The following DYM variants were observed in gnomAD, a reference collection of about 807,000 sequenced individuals.
DYM encodes dyggve-Melchior-Clausen syndrome protein.
DYM carries 78 observed loss-of-function variants against 93.1 expected under a neutral mutation model. The observed-to-expected ratio is 0.84, with a 90% CI of 0.70 to 1.01. DYM has a LOEUF of 1.01. DYM is among the 50% of genes least tolerant of loss of function. The pLI, the probability that DYM is intolerant of heterozygous loss-of-function variation, is 0.00. For synonymous variants in DYM, 321 were observed against 319.7 expected (o/e 1.00, Z -0.04); for missense variants, 789 against 845.0 (o/e 0.93, Z 0.82).
intron 1 of DYM, among the ~76,000 whole-genome samples, chr18:49,442,532 C>G (rs2081732063): frequency 6.6e-6 from 1 of 151,866 alleles, no homozygotes; most frequent in South Asian, 2.1e-4. Context: ...GCCTGGGCAA[C>G]AGAGGGAGAT....
intron 17 of DYM, among the ~76,000 whole-genome samples, chr18:49,050,075 ACTTC>A (rs941716979): frequency 5.8e-5 from 8 of 138,748 alleles, no homozygotes; most frequent in African/African-American, 2.0e-4. Flanking sequence ...CAGAGAGGTA[ACTTC>A]CTTTTTTTTT....
At chr18:49,416,227 C>T (rs2072970759) in intron 2 of DYM, among the ~76,000 whole-genome samples, 1 of 152,098 alleles carries the variant, frequency 6.6e-6, no homozygotes, top group Non-Finnish European at 1.5e-5. Flanking sequence ...TTTCATCATC[C>T]CTATGAATCT....
At chr18:49,241,733 G>C (rs189062983) in intron 13 of DYM, among the ~76,000 whole-genome samples, 1 of 152,296 alleles carries the variant, frequency 6.6e-6, no homozygotes, top group African/African-American at 2.4e-5. Context: ...AGAAAAAGGA[G>C]GGGAAATAAA....
intron 8 of DYM, among the ~76,000 whole-genome samples, chr18:49,287,726 T>G (rs1019216246): frequency 1.4e-5 from 2 of 146,788 alleles, no homozygotes; most frequent in African/African-American, 5.1e-5. Flanking sequence ...GCACCTGTAA[T>G]CCCAGCTACT....
chr18:49,084,037 A>C (rs182896293), intron 17 of DYM, among the ~76,000 whole-genome samples: 297 of 151,912 alleles, frequency 2.0e-3, no homozygotes, highest in African/African-American at 6.9e-3. Flanking sequence ...TTTGAGGTTT[A>C]ATTTGCTTTT....
In DYM at chr18:49,441,300, TATATATAATTA is replaced by T. The variant is rs1216120260; in HGVS notation, c.-53-10864_-53-10854del. ...ATTATATAATTATATATAATATAAT[TATATATAATTA>T]ATATATAATTATATATAATATAATT... On this transcript the variant is annotated intron_variant, in intron 1 of 17. Coordinates refer to ENST00000675505, the MANE Select transcript of DYM (RefSeq NM_001353214.3). Among the ~76,000 whole-genome samples, 18 of 41,768 alleles carry T rather than the reference TATATATAATTA, an allele frequency of 4.3e-4. 1 individual carries two copies. Among genetic ancestry groups the T allele is most frequent in the African/African-American group, 6.4e-4 (5 of 7,762 alleles). 27.4% of individuals were successfully genotyped at this position (41,768 alleles called of 152,430 possible). A position where few individuals can be genotyped will look rare whatever the true frequency, so the allele number is the denominator to read the frequency against.
At chr18:49,250,828 A>T (rs2094270634) in intron 13 of DYM, among the ~76,000 whole-genome samples, 1 of 152,252 alleles carries the variant, frequency 6.6e-6, no homozygotes, top group Non-Finnish European at 1.5e-5. Context: ...AAGAGCAAGG[A>T]ACTGTAATGA....
chr18:49,121,753 A>G (rs2082402824), intron 15 of DYM, among the ~76,000 whole-genome samples: 1 of 152,240 alleles, frequency 6.6e-6, no homozygotes. Flanking sequence ...GAACCGATGC[A>G]GTCCAACCTA....
At chr18:49,268,454 A>G (rs2145438550) in intron 11 of DYM, among the ~76,000 whole-genome samples, 1 of 152,348 alleles carries the variant, frequency 6.6e-6, no homozygotes, top group Non-Finnish European at 1.5e-5. Flanking sequence ...TTTGGCAGTC[A>G]GCGAAGTTTA....
At chr18:49,304,902 T>C (rs955827008) in intron 8 of DYM, among the ~76,000 whole-genome samples, 3 of 152,094 alleles carry the variant, frequency 2.0e-5, no homozygotes, top group Non-Finnish European at 2.9e-5. Flanking sequence ...TCCTCTATTC[T>C]ACCTCAGCTA....
At chr18:49,074,001 T>C (rs192105103) in intron 17 of DYM, among the ~76,000 whole-genome samples, 61 of 152,208 alleles carry the variant, frequency 4.0e-4, no homozygotes, top group Non-Finnish European at 7.6e-4. Flanking sequence ...AAAGGGAGTC[T>C]CCCAGCTTAT....
chr18:49,049,104 T>C (rs549572170), intron 17 of DYM, among the ~76,000 whole-genome samples: 2 of 151,714 alleles, frequency 1.3e-5, no homozygotes, highest in Non-Finnish European at 2.9e-5. Context: ...TATGAAGTTA[T>C]TCTTCAAGCT....
At chr18:49,326,908 C>G (rs2062921255) in intron 8 of DYM, among the ~76,000 whole-genome samples, 1 of 151,884 alleles carries the variant, frequency 6.6e-6, no homozygotes, top group African/African-American at 2.4e-5. Flanking sequence ...GCGATATCCT[C>G]TTTCAGGAAA....
At chr18:49,458,779 C>T (rs2083221681) in intron 1 of DYM, among the ~76,000 whole-genome samples, 1 of 152,168 alleles carries the variant, frequency 6.6e-6, no homozygotes, top group Non-Finnish European at 1.5e-5. Context: ...GCAGACGTTG[C>T]CGTGAGCCGG....
intron 14 of DYM, among the ~76,000 whole-genome samples, chr18:49,190,275 C>T (rs969325166): frequency 6.6e-6 from 1 of 152,236 alleles, no homozygotes; most frequent in African/African-American, 2.4e-5. Context: ...TTTTTATTCA[C>T]TGATACTACA....
intron 14 of DYM, among the ~76,000 whole-genome samples, chr18:49,171,057 A>C (rs1347186149): frequency 6.6e-6 from 1 of 152,212 alleles, no homozygotes; most frequent in Non-Finnish European, 1.5e-5. Flanking sequence ...TGGATTTGGC[A>C]CAAGGAAACA....
chr18:49,141,069 A>C (rs2084429898), intron 15 of DYM, among the ~76,000 whole-genome samples: 2 of 152,102 alleles, frequency 1.3e-5, no homozygotes, highest in Admixed American at 6.5e-5. Flanking sequence ...TCTTCCACCC[A>C]GCTTCTGAAG....
Position 49,252,956 on chromosome 18 carries a change from A to G in DYM, c.1460+4054T>C, listed in dbSNP as rs532083553. On this transcript the variant is annotated intron_variant, in intron 13 of 17. Coordinates refer to ENST00000675505, the MANE Select transcript of DYM (RefSeq NM_001353214.3). The stretch of plus-strand genomic sequence containing the variant: ...GACTTACAAAGTTAAGCAAAACTCA[A>G]ATTAGATCTGTGATTCTCCTAGAAC... Among the ~76,000 whole-genome samples, 11 of 152,214 alleles carry G rather than the reference A, an allele frequency of 7.2e-5. No homozygotes were observed. The East Asian group carries it at 7.7e-4, about 11-fold the overall frequency.
chr18:49,286,582 C>G lies in DYM; in HGVS notation c.798G>C (p.Val266=). 6.2e-7 allele frequency: 1 copy of G among 1,614,006 alleles called. No individual in the cohort carries two copies. The highest frequency in any genetic ancestry group is 8.5e-7 in the Non-Finnish European group (1 of 1,179,982). The change falls in exon 9 of 18, where the codon GTG becomes GTC. Residue 266 remains valine (V), a synonymous_variant. Coordinates refer to ENST00000675505, the MANE Select transcript of DYM (RefSeq NM_001353214.3). ...GLWTVFTLGG[V]GSKAAASPEL... ...CTGGAGAGGCAGCCGCTTTGCTGCC[C>G]ACACCACCTAGTGTGAAGACAGTCC...
Sources: gnomAD v4.1 joint callset for allele counts (sites outside exome capture counted in the v4.1 genomes callset) on GRCh38, gnomAD v4.1.1 for gene constraint, MANE v1.5 for transcripts, NCBI Gene and HGNC (gene_info 2026-07-23, HGNC 2026-07-21) for gene names.